The following ITPA variants were observed in gnomAD, a reference collection of about 807,000 sequenced individuals.
The protein encoded by ITPA is inosine triphosphatase.
In ITPA, 29 loss-of-function variants were observed where a neutral mutation model predicts 29.6. That is an observed-to-expected ratio of 0.98 (90% CI 0.73 to 1.34). The LOEUF is 1.34. ITPA is among the 40% of genes most tolerant of loss of function. The probability of loss-of-function intolerance (pLI) is 0.00; values close to 1 mark genes in which losing one functional copy is unlikely to be tolerated. For missense variants in ITPA, 241 were observed against 251.5 expected (o/e 0.96, Z 0.28); for synonymous variants, 103 against 99.3 (o/e 1.04, Z -0.22).
chr20:3,213,131 C>A, intron 1 of ITPA, 38 bp from the exon 2 acceptor site: 1 of 1,588,350 alleles, frequency 6.3e-7, no homozygotes, highest in Non-Finnish European at 8.6e-7. Context: ...TGGAGAATCA[C>A]TAGATGGTGA....
chr20:3,213,545 T>G, intron 3 of ITPA, 162 bp downstream of exon 3: 3 of 805,180 alleles, frequency 3.7e-6, no homozygotes, highest in Non-Finnish European at 2.1e-6. Context: ...AACACTGCCT[T>G]CCTTTGCCAG....
downstream of ITPA, chr20:3,223,926 G>T (rs1022730950): frequency 1.1e-5 from 2 of 186,292 alleles, no homozygotes; most frequent in Non-Finnish European, 2.3e-5. Context: ...TTGGGTGGGG[G>T]TGGGGATGGG....
chr20:3,213,224 A>C lies in ITPA; in HGVS notation c.122A>C (p.Asp41Ala). The change falls in exon 2 of 8, where the codon GAC becomes GCC. Residue 41 changes from aspartate to alanine, a missense_variant and splice_region_variant. By Grantham distance (126) the Asp-to-Ala change is moderately radical. Coordinates refer to ENST00000380113, the MANE Select transcript of ITPA (RefSeq NM_033453.4). The part of the protein sequence containing the change: ...FPCTLVAQKI[D>A]LPEYQGEPDE... Reference sequence around the variant, plus strand: ...TGCACTTTGGTGGCACAGAAAATTGACCGTATGTCTCTGTTTTGTTTTATT... The same window carrying C: ...TGCACTTTGGTGGCACAGAAAATTGCCCGTATGTCTCTGTTTTGTTTTATT... The C allele has an allele frequency of 6.2e-7, 1 of 1,614,162 alleles. No individual in the cohort carries two copies. Among genetic ancestry groups the C allele is most frequent in the Non-Finnish European group, 8.5e-7 (1 of 1,180,032 alleles).
intron 4 of ITPA, 79 bp from the exon 5 acceptor site, chr20:3,215,202 C>G: frequency 7.0e-7 from 1 of 1,421,904 alleles, no homozygotes; most frequent in African/African-American, 1.4e-5. Flanking sequence ...CCTTGGCTGT[C>G]AATAGGGAAC....
At chr20:3,225,886 A>G (rs1016543540), downstream of ITPA, among the ~76,000 whole-genome samples, 4 of 152,118 alleles carry the variant, frequency 2.6e-5, no homozygotes, top group African/African-American at 9.7e-5. Flanking sequence ...AAAATTAGCC[A>G]GGCATAGTGG....
rs922819325 is a variant in ITPA, at chr20:3,209,597, A to G, written c.46A>G (p.Asn16Asp). 6.2e-7 allele frequency: 1 copy of G among 1,614,030 alleles called. No homozygotes were observed. Among genetic ancestry groups the G allele is most frequent in the Non-Finnish European group, 8.5e-7 (1 of 1,180,018 alleles). The change falls in exon 1 of 8, where the codon AAC becomes GAC. Residue 16 changes from asparagine (N) to aspartate (D), a missense_variant. Asn to Asp is a conservative substitution (Grantham distance 23). Transcript: ENST00000380113. This position sits in a 1 kb window ranked among gnomAD's most constrained non-coding sequence, Gnocchi z 4.6. ...GAAGAAGATCGTGTTTGTAACGGGG[A>G]ACGCCAAGAAGCTGGAGGAGGTGCC... is the stretch of plus-strand genomic sequence containing the variant. ...VGKKIVFVTGNAKKLEEVVQI... is the reference protein window; with the variant it reads ...VGKKIVFVTGDAKKLEEVVQI...
upstream of ITPA, chr20:3,204,432 C>T (rs534953451): frequency 9.0e-5 from 109 of 1,216,732 alleles, no homozygotes; most frequent in South Asian, 1.4e-3. Context: ...ATGCGTCCCG[C>T]CCGCCCAGGT....
upstream of ITPA, among the ~76,000 whole-genome samples, chr20:3,204,943 C>T (rs1270134394): frequency 6.6e-6 from 1 of 151,966 alleles, no homozygotes; most frequent in Non-Finnish European, 1.5e-5. Context: ...CTCCACCTCC[C>T]AGGTTCAAGC....
upstream of ITPA, chr20:3,204,678 CATA>C: frequency 6.6e-7 from 1 of 1,520,350 alleles, no homozygotes; most frequent in Non-Finnish European, 8.8e-7. Flanking sequence ...GCCGGGATCT[CATA>C]GGCCCCGCCC....
downstream of ITPA, among the ~76,000 whole-genome samples, chr20:3,224,675 G>C (rs992933823): frequency 2.6e-5 from 4 of 152,218 alleles, no homozygotes; most frequent in African/African-American, 9.6e-5. Flanking sequence ...GGTGCTGGGG[G>C]CCTGCCTGCT....
upstream of ITPA, among the ~76,000 whole-genome samples, chr20:3,208,447 C>T (rs1177026979): frequency 6.6e-6 from 1 of 152,234 alleles, no homozygotes; most frequent in African/African-American, 2.4e-5. Context: ...ACGATCTCCG[C>T]TCACTGCAAC....
At position 3,223,756 on chromosome 20, in the gene ITPA, G is replaced by A. The variant is rs764846340; in HGVS notation, c.*294G>A. 4.0e-6 allele frequency: 2 copies of A among 503,756 alleles called. No homozygotes were observed. Among genetic ancestry groups the A allele is most frequent in the Non-Finnish European group, 7.2e-6 (2 of 277,616 alleles). 31.2% of individuals were successfully genotyped at this position (503,756 alleles called of 1,614,324 possible). ...AGCTGTACTTGGTGGGAGTGAGGGC[G>A]TGGGGAGGAACCATGCAAATCGCCT... On this transcript the variant is annotated 3_prime_UTR_variant, in exon 8 of 8. Transcript: ENST00000380113.
At chr20:3,213,071 G>A (rs2067209479) in intron 1 of ITPA, 98 bp from the exon 2 acceptor site, 1 of 1,270,658 alleles carries the variant, frequency 7.9e-7, no homozygotes, top group Non-Finnish European at 1.2e-6. Flanking sequence ...TTAGGAGATG[G>A]GCAGCAGAGT....
At chr20:3,217,949 G>T (rs1182766178) in intron 5 of ITPA, among the ~76,000 whole-genome samples, 1 of 139,152 alleles carries the variant, frequency 7.2e-6, no homozygotes, top group African/African-American at 2.7e-5. Context: ...ATGGAGTCTC[G>T]CTCTGTCGCC....
Position 3,209,955 on chromosome 20 carries a change from G to T in ITPA, c.66+338G>T, listed in dbSNP as rs1010867168. The stretch of plus-strand genomic sequence containing the variant: ...GAAGTAGACCCCAACCCAGTGTCCC[G>T]ACACTCTTCTGGGACTTATCCACAT... On this transcript the variant is annotated intron_variant, in intron 1 of 7. Transcript: ENST00000380113. This position sits in a 1 kb window ranked among gnomAD's most constrained non-coding sequence, Gnocchi z 4.6. 2.6e-5 allele frequency among the ~76,000 whole-genome samples: 4 copies of T among 152,080 alleles called. No homozygotes were observed. Among genetic ancestry groups the T allele is most frequent in the Admixed American group, 2.0e-4 (3 of 15,248 alleles).
chr20:3,224,733 A>G (rs1432601694), downstream of ITPA, among the ~76,000 whole-genome samples: 2 of 152,176 alleles, frequency 1.3e-5, no homozygotes, highest in Admixed American at 6.5e-5. Context: ...GGGAACACCC[A>G]GGCTACTGAT....
At chr20:3,217,643 G>A (rs560667859) in intron 5 of ITPA, among the ~76,000 whole-genome samples, 1 of 151,962 alleles carries the variant, frequency 6.6e-6, no homozygotes, top group South Asian at 2.1e-4. Flanking sequence ...TAATTTTTGT[G>A]TTTTTTGTAG....
chr20:3,213,009 G>A (rs2067207810), intron 1 of ITPA, among the ~76,000 whole-genome samples, 160 bp from the exon 2 acceptor site: 1 of 152,066 alleles, frequency 6.6e-6, no homozygotes, highest in Non-Finnish European at 1.5e-5. Flanking sequence ...TGGCTTGCTG[G>A]GGTGGGACCC....
chr20:3,222,489 G>A (rs1437454380), intron 7 of ITPA, among the ~76,000 whole-genome samples: 11 of 152,266 alleles, frequency 7.2e-5, no homozygotes, highest in Non-Finnish European at 1.0e-4. Flanking sequence ...GATTACAGGC[G>A]TGAGCCACCG....
Sources: allele counts gnomAD v4.1 joint callset (sites outside exome capture counted in the v4.1 genomes callset), GRCh38; gene constraint gnomAD v4.1.1; non-coding constraint Gnocchi (gnomAD v3.1); transcripts MANE v1.5; gene names NCBI Gene and HGNC (gene_info 2026-07-23, HGNC 2026-07-21).